The following FBP1 variants were observed in gnomAD, a reference collection of about 807,000 sequenced individuals.
The protein encoded by FBP1 is fructose-bisphosphatase 1.
FBP1 carries 22 observed loss-of-function variants against 29.9 expected under a neutral mutation model. The ratio of observed to expected loss-of-function variants is 0.74; its 90% confidence interval spans 0.53 to 1.05. FBP1 has a LOEUF of 1.05. Among genes scored for constraint, FBP1 ranks in the 50% least tolerant of loss-of-function variants. The pLI, the probability that FBP1 is intolerant of heterozygous loss-of-function variation, is 0.00. For missense variants in FBP1, 345 were observed against 448.2 expected (o/e 0.77, Z 2.08); for synonymous variants, 175 against 178.6 (o/e 0.98, Z 0.16).
At chr9:94,635,493 G>A (rs1828178460) in intron 1 of FBP1, among the ~76,000 whole-genome samples, 1 of 152,190 alleles carries the variant, frequency 6.6e-6, no homozygotes, top group African/African-American at 2.4e-5. Context: ...CAATCACCCC[G>A]TCCCTCTGGG....
At chr9:94,616,002 TA>T (rs1460492108) in intron 3 of FBP1, among the ~76,000 whole-genome samples, 2 of 152,034 alleles carry the variant, frequency 1.3e-5, no homozygotes, top group African/African-American at 4.8e-5. Flanking sequence ...TAATTTTTTG[TA>T]ATTTTTAGTA....
chr9:94,617,926 T>C (rs1193985869), intron 2 of FBP1, 66 bp from the exon 3 acceptor site: 2 of 1,222,226 alleles, frequency 1.6e-6, no homozygotes, highest in Non-Finnish European at 2.4e-6. Context: ...GGAGTATACA[T>C]TAGGGGCTAA....
At chr9:94,638,146 A>C (rs1466158833) in intron 1 of FBP1, among the ~76,000 whole-genome samples, 3 of 151,892 alleles carry the variant, frequency 2.0e-5, no homozygotes, top group Admixed American at 6.6e-5. Flanking sequence ...CACAAACGAA[A>C]GGATGTTGTG....
Position 94,607,219 on chromosome 9 carries a change from A to C in FBP1, c.568-267T>G, listed in dbSNP as rs570618022. Among the ~76,000 whole-genome samples the C allele has an allele frequency of 5.5e-4, 84 of 152,310 alleles. 1 individual carries two copies. Among genetic ancestry groups the C allele is most frequent in the South Asian group, 4.3e-3 (21 of 4,828 alleles). On this transcript the variant is annotated intron_variant, in intron 4 of 6. Transcript: ENST00000375326. ...ATGATTTCAGTCAAACAAGAAAGAA[A>C]CCACACAAAAATAGGGAGAGCAGAC...
chr9:94,610,498 G>A (rs146923560), intron 3 of FBP1, among the ~76,000 whole-genome samples: 1 of 152,178 alleles, frequency 6.6e-6, no homozygotes, highest in Non-Finnish European at 1.5e-5. Flanking sequence ...AGCTCTTGCC[G>A]CTGCAGCCCA....
At chr9:94,639,730 C>G (rs987596392), upstream of FBP1, among the ~76,000 whole-genome samples, 3 of 149,668 alleles carry the variant, frequency 2.0e-5, no homozygotes, top group Middle Eastern at 3.4e-3. Context: ...TGTCGCCCCC[C>G]ACACACACCC....
At chr9:94,638,237 T>C (rs910913863) in intron 1 of FBP1, among the ~76,000 whole-genome samples, 2 of 152,036 alleles carry the variant, frequency 1.3e-5, no homozygotes, top group Non-Finnish European at 2.9e-5. Context: ...ATGTGATGAG[T>C]AGACAAACAG....
In FBP1 at chr9:94,605,564, G is replaced by A; in HGVS notation, c.718C>T (p.Pro240Ser). 7 of 1,613,972 alleles carry A rather than the reference G, an allele frequency of 4.3e-6. No individual in the cohort carries two copies. Among genetic ancestry groups the A allele is most frequent in the Non-Finnish European group, 5.9e-6 (7 of 1,179,956 alleles). The part of the protein sequence containing the change: ...RKKFPPDNSA[P>S]YGARYVGSMV... ...GAGCCCACATACCGGGCCCCATAAG[G>A]AGCTGAATTATCCTGCAAGTTAAGA... The change falls in exon 6 of 7, where the codon CCT becomes TCT. Residue 240 changes from proline (P) to serine (S), a missense_variant. Coordinates refer to ENST00000375326, the MANE Select transcript of FBP1 (RefSeq NM_000507.4).
chr9:94,610,130 T>TAAC (rs1330345173), intron 3 of FBP1, 69 bp from the exon 4 acceptor site: 1 of 1,499,212 alleles, frequency 6.7e-7, no homozygotes, highest in East Asian at 2.4e-5. Flanking sequence ...GTTCAACCAT[T>TAAC]AACAGGAGGC....
In FBP1 at chr9:94,636,774, C is replaced by T. The variant is rs28402388; in HGVS notation, c.170+2367G>A. The stretch of plus-strand genomic sequence containing the variant: ...CACGATCTGGGCTCACTGCAACCTC[C>T]GCCTCCCGGGTTCAAGCAATTCTCC... On this transcript the variant is annotated intron_variant, in intron 1 of 6. Coordinates refer to ENST00000375326, the MANE Select transcript of FBP1 (RefSeq NM_000507.4). Among the ~76,000 whole-genome samples, 1,140 of 151,940 alleles carry T rather than the reference C, an allele frequency of 7.5e-3. 15 individuals carry two copies. The highest frequency in any genetic ancestry group is 0.026 in the African/African-American group (1,095 of 41,404).
chr9:94,639,723 C>A (rs1434031862), upstream of FBP1, among the ~76,000 whole-genome samples: 9 of 147,972 alleles, frequency 6.1e-5, 1 homozygote, highest in South Asian at 1.8e-3. Context: ...CCTGGGCTGT[C>A]GCCCCCCACA....
rs886744451 is a variant in FBP1 at position 94,616,910 on chromosome 9, TCTCTCTC to T, written c.426+851_426+857del. 3.1e-5 allele frequency among the ~76,000 whole-genome samples: 4 copies of T among 131,090 alleles called. No homozygotes were observed. The South Asian group carries it at 7.6e-4, about 25-fold the overall frequency. The allele number at this position is 131,090 out of a possible 152,430, so 86.0% of individuals were successfully genotyped here. On this transcript the variant is annotated intron_variant, in intron 3 of 6. Coordinates refer to ENST00000375326, the MANE Select transcript of FBP1 (RefSeq NM_000507.4). ...CCTCTCCTCCTCCTCCTCCCTCTCC[TCTCTCTC>T]CTCTCTCTCTCTCTCTTTCTCTCTC... is the stretch of plus-strand genomic sequence containing the variant.
intron 4 of FBP1, 101 bp from the exon 5 acceptor site, chr9:94,607,053 C>T (rs1393687649): frequency 1.1e-5 from 17 of 1,505,724 alleles, no homozygotes; most frequent in Non-Finnish European, 1.4e-5. Flanking sequence ...GGGCTGGGGT[C>T]GCGGCGCACG....
intron 1 of FBP1, among the ~76,000 whole-genome samples, chr9:94,627,036 A>G (rs946655113): frequency 5.9e-5 from 9 of 152,098 alleles, no homozygotes; most frequent in Non-Finnish European, 1.3e-4. Flanking sequence ...TAAAAATACA[A>G]ACTTAGCTGG....
At chr9:94,617,242 T>C (rs1827877193) in intron 3 of FBP1, among the ~76,000 whole-genome samples, 1 of 152,214 alleles carries the variant, frequency 6.6e-6, no homozygotes, top group South Asian at 2.1e-4. Flanking sequence ...AGAGTAAAAC[T>C]TAAAATGGAT....
At chr9:94,622,805 C>A (rs1344207165) in intron 1 of FBP1, among the ~76,000 whole-genome samples, 1 of 152,072 alleles carries the variant, frequency 6.6e-6, no homozygotes, top group African/African-American at 2.4e-5. Context: ...TTTCTGACCC[C>A]AATTGTGAGG....
intron 3 of FBP1, among the ~76,000 whole-genome samples, chr9:94,614,924 T>G (rs964096558): frequency 2.0e-5 from 3 of 152,186 alleles, no homozygotes; most frequent in African/African-American, 7.2e-5. Flanking sequence ...TTATTTATTT[T>G]TTGAGACAGA....
At chr9:94,613,953 C>T (rs1460827476) in intron 3 of FBP1, among the ~76,000 whole-genome samples, 15 of 150,310 alleles carry the variant, frequency 1.0e-4, no homozygotes, top group East Asian at 9.9e-4. Context: ...TGGTGGCGGG[C>T]GCCTGTAGTC....
At position 94,639,424 on chromosome 9, in the gene FBP1, CG is replaced by C; in HGVS notation, c.-115del. 1 of 1,281,462 alleles carries C rather than the reference CG, an allele frequency of 7.8e-7. No homozygotes were observed. Among genetic ancestry groups the C allele is most frequent in the Non-Finnish European group, 1.1e-6 (1 of 908,072 alleles). 79.4% of individuals were successfully genotyped at this position (1,281,462 alleles called of 1,614,324 possible). A position where few individuals can be genotyped will look rare whatever the true frequency, so the allele number is the denominator to read the frequency against. ...GGCCGCAGGTGCGGAGCTGCAGGTGCGGGCGGCAGGTGCGGGCCGCGGGACC... is the reference window on the plus strand; with the variant it reads ...GGCCGCAGGTGCGGAGCTGCAGGTGCGGCGGCAGGTGCGGGCCGCGGGACC... On this transcript the variant is annotated 5_prime_UTR_variant, in exon 1 of 7. Transcript: ENST00000375326.
Sources: gnomAD v4.1 joint callset for allele counts (sites outside exome capture counted in the v4.1 genomes callset) on GRCh38, gnomAD v4.1.1 for gene constraint, MANE v1.5 for transcripts, NCBI Gene and HGNC (gene_info 2026-07-23, HGNC 2026-07-21) for gene names.